MYO3B: variants seen among roughly 807,000 people sequenced by gnomAD.
MYO3B encodes myosin-IIIb.
In MYO3B, 156 loss-of-function variants were observed where a neutral mutation model predicts 174.6. The observed-to-expected ratio is 0.89, with a 90% CI of 0.78 to 1.02. The LOEUF (loss-of-function observed/expected upper bound fraction) is 1.02. Among genes scored for constraint, MYO3B ranks in the 50% least tolerant of loss-of-function variants. The pLI is 0.00. For missense variants in MYO3B, 1,632 were observed against 1,639.4 expected, an observed-to-expected ratio of 1.00 and a Z score of 0.08; for synonymous variants, 563 against 569.1, an observed-to-expected ratio of 0.99 and a Z score of 0.15.
chr2:170,340,498 A>C (rs1361214806), intron 8 of MYO3B: 1 of 152,234 alleles, frequency 6.6e-6, no homozygotes, highest in Non-Finnish European at 1.5e-5. Flanking sequence ...TTCCTATAAC[A>C]AAAGACAGAT....
At chr2:170,626,124 T>C (rs1200513166) in intron 32 of MYO3B, among the ~76,000 whole-genome samples, 1 of 152,180 alleles carries the variant, frequency 6.6e-6, no homozygotes, top group East Asian at 1.9e-4. Flanking sequence ...ACTTTCTGTC[T>C]CGTTGATCTG....
At chr2:170,370,815 T>C (rs1313846291) in intron 9 of MYO3B, among the ~76,000 whole-genome samples, 3 of 152,184 alleles carry the variant, frequency 2.0e-5, no homozygotes, top group Non-Finnish European at 4.4e-5. Flanking sequence ...ATGGAATGAT[T>C]TCTAAGACTT....
intron 32 of MYO3B, chr2:170,648,119 C>T (rs1698520965): frequency 6.6e-6 from 1 of 152,154 alleles, no homozygotes; most frequent in Non-Finnish European, 1.5e-5. Flanking sequence ...TCACATTCTA[C>T]CATATTGCAG....
intron 32 of MYO3B, among the ~76,000 whole-genome samples, chr2:170,606,144 C>A (rs1337626399): frequency 6.6e-6 from 1 of 152,106 alleles, no homozygotes; most frequent in Non-Finnish European, 1.5e-5. Flanking sequence ...CAGTGATCAG[C>A]GTTGAAGAAA....
At chr2:170,271,163 C>A (rs1224154111) in intron 7 of MYO3B, among the ~76,000 whole-genome samples, 1 of 152,082 alleles carries the variant, frequency 6.6e-6, no homozygotes, top group Non-Finnish European at 1.5e-5. Flanking sequence ...TCTTCCTTTC[C>A]CCTTCAGGTA....
At position 170,214,397 on chromosome 2, in the gene MYO3B, G is replaced by T. The variant is rs61732478; in HGVS notation, c.340G>T (p.Val114Phe). The T allele has an allele frequency of 5.0e-4, 807 of 1,614,106 alleles. 1 individual carries two copies. Among genetic ancestry groups the T allele is most frequent in the Middle Eastern group, 1.5e-3 (9 of 6,062 alleles). ...CTTGCAGCTGTGTAATGGGGGCTCAGTCACTGAGCTTGTCAAAGGTCTACT... is the reference window on the plus strand; with the variant it reads ...CTTGCAGCTGTGTAATGGGGGCTCATTCACTGAGCTTGTCAAAGGTCTACT... ...LVLELCNGGS[V>F]TELVKGLLRC... is the part of the protein sequence containing the mutation. The change falls in exon 4 of 35, where the codon GTC becomes TTC. Residue 114 changes from valine to phenylalanine, a missense_variant. By Grantham distance (50) the Val-to-Phe change is conservative (BLOSUM62 -1). Transcript: ENST00000408978.
chr2:170,641,767 T>A (rs1346800925), intron 32 of MYO3B, among the ~76,000 whole-genome samples: 1 of 149,298 alleles, frequency 6.7e-6, no homozygotes, highest in African/African-American at 2.5e-5. Context: ...TTAGGTTCAT[T>A]TATTACCTTT....
chr2:170,197,862 A>G (rs1268954355), intron 1 of MYO3B, among the ~76,000 whole-genome samples: 3 of 152,292 alleles, frequency 2.0e-5, no homozygotes, highest in East Asian at 1.9e-4. Context: ...TAGATGGTGT[A>G]CAATCACCTT....
intron 22 of MYO3B, among the ~76,000 whole-genome samples, chr2:170,417,790 C>T (rs2094590501): frequency 2.0e-5 from 3 of 152,190 alleles, no homozygotes; most frequent in Admixed American, 6.5e-5. Flanking sequence ...ATTAAGGATC[C>T]ACCCTACTCC....
Position 170,332,601 on chromosome 2 carries a change from C to G in MYO3B, c.750-2784C>G, listed in dbSNP as rs1343440988. ...TTTCACAAGATCTTGCTTTACTGAACCAAAGTAGGATGAACTCCAGGAAAG... is the reference window on the plus strand; with the variant it reads ...TTTCACAAGATCTTGCTTTACTGAAGCAAAGTAGGATGAACTCCAGGAAAG... On this transcript the variant is annotated intron_variant, in intron 7 of 34. Transcript: ENST00000408978. Among the ~76,000 whole-genome samples the G allele has an allele frequency of 2.6e-5, 4 of 152,026 alleles. No individual in the cohort carries two copies. The East Asian group carries it at 7.7e-4, about 29-fold the overall frequency.
chr2:170,597,875 A>AG (rs1442156273), intron 32 of MYO3B, among the ~76,000 whole-genome samples: 2 of 152,212 alleles, frequency 1.3e-5, no homozygotes, highest in Non-Finnish European at 2.9e-5. Flanking sequence ...GGCTAGAGAA[A>AG]GATCAGGACA....
At position 170,397,858 on chromosome 2, in the gene MYO3B, T is replaced by G. The variant is rs113421657; in HGVS notation, c.1792-2330T>G. Among the ~76,000 whole-genome samples the G allele has an allele frequency of 6.2e-3, 940 of 152,282 alleles. 18 individuals are homozygous for G. Among genetic ancestry groups the G allele is most frequent in the African/African-American group, 0.022 (903 of 41,568 alleles). On this transcript the variant is annotated intron_variant, in intron 16 of 34. Transcript: ENST00000408978. Reference sequence around the variant, plus strand: ...AGTCCCCACAATTCCCTCCTCAGGTTGGATAATTTGCTAGAATAGTTTCTA... The same window carrying G: ...AGTCCCCACAATTCCCTCCTCAGGTGGGATAATTTGCTAGAATAGTTTCTA...
intron 32 of MYO3B, among the ~76,000 whole-genome samples, chr2:170,592,116 G>A (rs1197861359): frequency 6.6e-6 from 1 of 152,158 alleles, no homozygotes; most frequent in Non-Finnish European, 1.5e-5. Flanking sequence ...CATACCCAGT[G>A]CTGGGATTCC....
At chr2:170,359,807 C>G (rs2094147927) in intron 8 of MYO3B, among the ~76,000 whole-genome samples, 1 of 152,144 alleles carries the variant, frequency 6.6e-6, no homozygotes, top group African/African-American at 2.4e-5. Flanking sequence ...ACTTTTCAGC[C>G]TTAAATTATT....
chr2:170,204,994 C>T (rs948045608), intron 3 of MYO3B, among the ~76,000 whole-genome samples: 1 of 152,070 alleles, frequency 6.6e-6, no homozygotes, highest in Non-Finnish European at 1.5e-5. Flanking sequence ...CCATAGGCTG[C>T]CCTTGAAAAC....
At chr2:170,466,818 T>A in intron 25 of MYO3B, 107 bp downstream of exon 25, 1 of 1,183,962 alleles carries the variant, frequency 8.4e-7, no homozygotes, top group Non-Finnish European at 1.2e-6. Flanking sequence ...AAACATGTAA[T>A]TGGCTAGTTG....
chr2:170,421,284 A>G (rs10930428), intron 22 of MYO3B, among the ~76,000 whole-genome samples: 127,158 of 152,104 alleles, frequency 0.84, 54,107 homozygotes, highest in Middle Eastern at 0.94. Context: ...CTGAATGTAG[A>G]GAGATGAGTA....
rs55913448 is a variant in MYO3B, at chr2:170,474,743, C to CAAAAAAAAAAA, written c.3014+8063_3014+8073dup. ...GGGTGACAAGAGTGAAACTCCGTCT[C>CAAAAAAAAAAA]AAAAAAAAAAAAAAAAAAAAAAAAA... On this transcript the variant is annotated intron_variant, in intron 25 of 34. Transcript: ENST00000408978. Among the ~76,000 whole-genome samples, 17 of 37,588 alleles carry CAAAAAAAAAAA rather than the reference C, an allele frequency of 4.5e-4. 1 individual carries two copies. Among genetic ancestry groups the CAAAAAAAAAAA allele is most frequent in the South Asian group, 1.2e-3 (1 of 830 alleles). The allele number at this position is 37,588 out of a possible 152,430, so 24.7% of individuals were successfully genotyped here.
intron 1 of MYO3B, chr2:170,180,147 G>A: frequency 2.3e-6 from 1 of 437,534 alleles, no homozygotes; most frequent in South Asian, 1.6e-5. Context: ...GACATTCACA[G>A]GGTGCATGCT....
Sources: gnomAD v4.1 joint callset for allele counts (sites outside exome capture counted in the v4.1 genomes callset) on GRCh38, gnomAD v4.1.1 for gene constraint, MANE v1.5 for transcripts, NCBI Gene and HGNC (gene_info 2026-07-23, HGNC 2026-07-21) for gene names.